Variants in TWIST2 observed in about 807,000 individuals in gnomAD.
The protein encoded by TWIST2 is twist family bHLH transcription factor 2, also known as twist-related protein 2.
TWIST2 carries 1 observed loss-of-function variant against 11.6 expected under a neutral mutation model. The observed-to-expected ratio is 0.09, with a 90% confidence interval of 0.03 to 0.41. The LOEUF is 0.41. Ranked by LOEUF, TWIST2 falls within the 10% of genes least tolerant of loss-of-function variation. The pLI, the probability that TWIST2 is intolerant of heterozygous loss-of-function variation, is 0.98. For missense variants in TWIST2, 168 were observed against 226.4 expected (o/e 0.74, Z 1.66); for synonymous variants, 87 against 96.6 (o/e 0.90, Z 0.58).
At chr2:238,871,415 A>C (rs1477913584) in intron 1 of TWIST2, among the ~76,000 whole-genome samples, 2 of 62,186 alleles carry the variant, frequency 3.2e-5, no homozygotes, top group African/African-American at 6.6e-5. Context: ...CCCCACACAC[A>C]CCACAACCCC....
intron 1 of TWIST2, among the ~76,000 whole-genome samples, chr2:238,908,574 T>C (rs1693395514): frequency 2.0e-5 from 3 of 152,206 alleles, no homozygotes; most frequent in Admixed American, 6.5e-5. Flanking sequence ...GATGCCTGGG[T>C]GTGACGTGAC....
intron 1 of TWIST2, among the ~76,000 whole-genome samples, chr2:238,870,102 A>G (rs957121876): frequency 9.0e-6 from 1 of 111,526 alleles, no homozygotes; most frequent in African/African-American, 3.6e-5. Context: ...CGTGGTGTGT[A>G]CACAGACACA....
rs1262155054 is a variant in TWIST2, at chr2:238,872,688, C to T, written c.*35+23955C>T. Reference sequence around the variant, plus strand: ...CATCTACCCATGGGGGGAAGTAGGGCACAGGCCTAGCCACGGAGCAGGTAC... The same window carrying T: ...CATCTACCCATGGGGGGAAGTAGGGTACAGGCCTAGCCACGGAGCAGGTAC... On this transcript the variant is annotated intron_variant, in intron 1 of 1. Transcript: ENST00000612363. 2.6e-5 allele frequency among the ~76,000 whole-genome samples: 4 copies of T among 152,190 alleles called. No homozygotes were observed. In the East Asian group the frequency reaches 7.7e-4, roughly 29 times the overall value.
intron 1 of TWIST2, among the ~76,000 whole-genome samples, chr2:238,879,392 C>T (rs983999043): frequency 2.0e-5 from 3 of 152,174 alleles, no homozygotes; most frequent in Non-Finnish European, 4.4e-5. Context: ...AATAGTGCCC[C>T]TTTCACTCCC....
intron 1 of TWIST2, among the ~76,000 whole-genome samples, chr2:238,884,565 C>T (rs1028525221): frequency 2.6e-5 from 4 of 152,212 alleles, no homozygotes; most frequent in South Asian, 2.1e-4. Context: ...GGTTGCCACC[C>T]GCAGGCCACC....
chr2:238,905,978 C>T (rs912140573), intron 1 of TWIST2, among the ~76,000 whole-genome samples: 14 of 130,920 alleles, frequency 1.1e-4, no homozygotes, highest in East Asian at 4.1e-4. Context: ...TGTGTGCGCG[C>T]GCGTGTACGT....
chr2:238,900,098 C>T (rs1383585429), intron 1 of TWIST2, among the ~76,000 whole-genome samples: 8 of 152,132 alleles, frequency 5.3e-5, no homozygotes, highest in African/African-American at 1.4e-4. Flanking sequence ...ATAAAACAAG[C>T]GGGTTTGTTA....
At position 238,853,510 on chromosome 2, in the gene TWIST2, T is replaced by C. The variant is rs141346035; in HGVS notation, c.*35+4777T>C. Among the ~76,000 whole-genome samples, 429 of 152,180 alleles carry C rather than the reference T, an allele frequency of 2.8e-3. 3 individuals are homozygous for C. The highest frequency in any genetic ancestry group is 0.01 in the African/African-American group (418 of 41,514). ...CAAACCCTAAGCCCAGTTATAGTTATTTTTAATGAATAATTGTTTAGAAAC... is the reference window on the plus strand; with the variant it reads ...CAAACCCTAAGCCCAGTTATAGTTACTTTTAATGAATAATTGTTTAGAAAC... On this transcript the variant is annotated intron_variant, in intron 1 of 1. Transcript: ENST00000612363.
At chr2:238,890,061 AG>A in intron 1 of TWIST2, among the ~76,000 whole-genome samples, 1 of 152,314 alleles carries the variant, frequency 6.6e-6, no homozygotes, top group African/African-American at 2.4e-5. Context: ...TTAGTTTTCG[AG>A]GACAGCTGCG....
At chr2:238,902,686 GATA>G (rs1183816111) in intron 1 of TWIST2, among the ~76,000 whole-genome samples, 10 of 128,894 alleles carry the variant, frequency 7.8e-5, no homozygotes, top group African/African-American at 2.9e-4. Context: ...GGGTGTGTGT[GATA>G]TGGGGTGTGA....
chr2:238,905,766 A>G (rs1191456750), intron 1 of TWIST2, among the ~76,000 whole-genome samples: 2 of 152,076 alleles, frequency 1.3e-5, no homozygotes, highest in African/African-American at 2.4e-5. Context: ...TCCAAGAGAG[A>G]GCAGCCTTTG....
intron 1 of TWIST2, among the ~76,000 whole-genome samples, chr2:238,860,687 C>T (rs1692415811): frequency 6.6e-6 from 1 of 152,208 alleles, no homozygotes; most frequent in South Asian, 2.1e-4. Context: ...CCTGTAATCC[C>T]AGCACTTTGG....
At chr2:238,909,346 C>T (rs920913352) in intron 1 of TWIST2, among the ~76,000 whole-genome samples, 1 of 152,044 alleles carries the variant, frequency 6.6e-6, no homozygotes, top group African/African-American at 2.4e-5. Flanking sequence ...AAGAATCCGC[C>T]GTTGACAGCT....
chr2:238,908,014 CACAT>C (rs1253134562), intron 1 of TWIST2, among the ~76,000 whole-genome samples: 4 of 150,836 alleles, frequency 2.7e-5, no homozygotes, highest in African/African-American at 4.9e-5. Flanking sequence ...CATACACAAA[CACAT>C]ACCACACAAA....
intron 1 of TWIST2, among the ~76,000 whole-genome samples, chr2:238,902,622 G>A (rs1340872148): frequency 1.4e-5 from 2 of 147,774 alleles, no homozygotes. Flanking sequence ...TGCATGATGT[G>A]AGGTGTGTGA....
Position 238,885,381 on chromosome 2 carries a change from T to C in TWIST2, c.*36-24461T>C, listed in dbSNP as rs139049427. Among the ~76,000 whole-genome samples, 1,246 of 152,322 alleles carry C rather than the reference T, an allele frequency of 8.2e-3. 22 individuals carry two copies. The highest frequency in any genetic ancestry group is 0.029 in the African/African-American group (1,201 of 41,586). ...GGTGGAAAATGAAAAAACTGGCCTT[T>C]TGTGGCTTTACAGTGCACATTTGAC... On this transcript the variant is annotated intron_variant, in intron 1 of 1. Coordinates refer to ENST00000612363, the MANE Select transcript of TWIST2 (RefSeq NM_001271893.4).
intron 1 of TWIST2, among the ~76,000 whole-genome samples, chr2:238,889,604 C>T (rs1271027466): frequency 6.6e-6 from 1 of 152,200 alleles, no homozygotes; most frequent in Non-Finnish European, 1.5e-5. Context: ...GTTGTCTCAT[C>T]TCAAATAAAA....
At chr2:238,875,619 TACAA>T (rs1692791611) in intron 1 of TWIST2, among the ~76,000 whole-genome samples, 1 of 152,120 alleles carries the variant, frequency 6.6e-6, no homozygotes, top group Non-Finnish European at 1.5e-5. Flanking sequence ...GCTGGACGTT[TACAA>T]ACAGATGGGA....
At chr2:238,896,665 A>G (rs1339849325) in intron 1 of TWIST2, among the ~76,000 whole-genome samples, 23 of 152,130 alleles carry the variant, frequency 1.5e-4, no homozygotes, top group Admixed American at 1.5e-3. Context: ...GGGTCCTAGG[A>G]ACTTTGGGGT....
Sources: allele counts gnomAD v4.1 joint callset (sites outside exome capture counted in the v4.1 genomes callset), GRCh38; gene constraint gnomAD v4.1.1; transcripts MANE v1.5; gene names NCBI Gene and HGNC (gene_info 2026-07-23, HGNC 2026-07-21).